ARHGAP26: variants seen among roughly 807,000 people sequenced by gnomAD.
ARHGAP26 encodes Rho GTPase activating protein 26.
ARHGAP26 carries 38 observed loss-of-function variants against 104.8 expected under a neutral mutation model. That is an observed-to-expected ratio of 0.36 (90% CI 0.28 to 0.48). The LOEUF (loss-of-function observed/expected upper bound fraction) is 0.48. ARHGAP26 is among the 20% of genes least tolerant of loss of function. The pLI, the probability that ARHGAP26 is intolerant of heterozygous loss-of-function variation, is 0.99. For synonymous variants in ARHGAP26, 341 were observed against 340.0 expected, an observed-to-expected ratio of 1.00 and a Z score of -0.03; for missense variants, 704 against 947.9, an observed-to-expected ratio of 0.74 and a Z score of 3.38.
intron 12 of ARHGAP26, 75 bp from the exon 13 acceptor site, chr5:143,037,121 C>A: frequency 1.7e-6 from 2 of 1,182,442 alleles, no homozygotes; most frequent in Non-Finnish European, 2.4e-6. Flanking sequence ...TTGATTCATC[C>A]TGGTTTGGTT....
chr5:143,212,703 T>C (rs1417822881), intron 21 of ARHGAP26, among the ~76,000 whole-genome samples: 1 of 152,194 alleles, frequency 6.6e-6, no homozygotes, highest in Non-Finnish European at 1.5e-5. Context: ...TTTACTCTGA[T>C]CACTCTGCAC....
At chr5:143,014,667 T>C (rs1012608721) in intron 12 of ARHGAP26, among the ~76,000 whole-genome samples, 2 of 152,248 alleles carry the variant, frequency 1.3e-5, no homozygotes, top group African/African-American at 4.8e-5. Flanking sequence ...CTGTAGACTG[T>C]AGTGCATTTG....
At chr5:142,952,925 G>C (rs1427632938) in intron 11 of ARHGAP26, among the ~76,000 whole-genome samples, 1 of 152,056 alleles carries the variant, frequency 6.6e-6, no homozygotes, top group Non-Finnish European at 1.5e-5. Context: ...TGGCCAGGAT[G>C]GTCTTGAACT....
At chr5:142,835,976 CAG>C (rs774624160) in intron 1 of ARHGAP26, among the ~76,000 whole-genome samples, 3 of 152,172 alleles carry the variant, frequency 2.0e-5, no homozygotes, top group Non-Finnish European at 4.4e-5. Flanking sequence ...AAGCAATTCA[CAG>C]AGTTAGTAAA....
intron 17 of ARHGAP26, among the ~76,000 whole-genome samples, chr5:143,072,663 A>G (rs541665228): frequency 9.2e-5 from 14 of 152,342 alleles, no homozygotes; most frequent in African/African-American, 3.4e-4. Context: ...AATACTGCAT[A>G]TTCTCACTCA....
intron 19 of ARHGAP26, among the ~76,000 whole-genome samples, chr5:143,140,672 C>T (rs565082291): frequency 1.3e-5 from 2 of 152,084 alleles, no homozygotes; most frequent in Admixed American, 6.5e-5. Context: ...CCCCCCGGCC[C>T]CTGAGACAGC....
At chr5:142,829,959 A>T (rs1467673236) in intron 1 of ARHGAP26, among the ~76,000 whole-genome samples, 1 of 152,172 alleles carries the variant, frequency 6.6e-6, no homozygotes, top group Non-Finnish European at 1.5e-5. Flanking sequence ...TTATACCATT[A>T]TTACTTTGGG....
intron 1 of ARHGAP26, among the ~76,000 whole-genome samples, chr5:142,834,695 G>T (rs934958130): frequency 6.6e-6 from 1 of 152,202 alleles, no homozygotes; most frequent in Non-Finnish European, 1.5e-5. Context: ...GACAAAGGTG[G>T]AAGCTCCGGG....
intron 1 of ARHGAP26, among the ~76,000 whole-genome samples, chr5:142,798,684 A>G (rs777614723): frequency 1.0e-3 from 156 of 152,240 alleles, no homozygotes; most frequent in Non-Finnish European, 1.9e-3. Flanking sequence ...GTTTCCGCCC[A>G]GGACCTATCA....
At chr5:143,220,401 C>A (rs1452144806) in intron 22 of ARHGAP26, among the ~76,000 whole-genome samples, 1 of 152,198 alleles carries the variant, frequency 6.6e-6, no homozygotes, top group Non-Finnish European at 1.5e-5. Flanking sequence ...TTGCTCTGTG[C>A]CTGGCTCTGT....
intron 17 of ARHGAP26, among the ~76,000 whole-genome samples, chr5:143,091,575 CT>C (rs35510766): frequency 2.0e-5 from 3 of 152,148 alleles, no homozygotes; most frequent in Non-Finnish European, 4.4e-5. Context: ...TCCTGTATGA[CT>C]TTTATACCAG....
At chr5:142,998,013 A>G (rs909321177) in intron 11 of ARHGAP26, among the ~76,000 whole-genome samples, 5 of 152,156 alleles carry the variant, frequency 3.3e-5, no homozygotes, top group Admixed American at 3.3e-4. Context: ...TTATATATTG[A>G]TTGGTTGATG....
intron 11 of ARHGAP26, among the ~76,000 whole-genome samples, chr5:142,951,206 T>C (rs1768335481): frequency 6.6e-6 from 1 of 152,116 alleles, no homozygotes. Context: ...ATTACAGGCA[T>C]GTACCACCAC....
intron 12 of ARHGAP26, among the ~76,000 whole-genome samples, chr5:143,017,749 G>A (rs182111697): frequency 1.3e-5 from 2 of 152,222 alleles, no homozygotes; most frequent in Non-Finnish European, 2.9e-5. Flanking sequence ...ACAGCACTTT[G>A]TATCTGTTTT....
At chr5:142,999,671 C>T (rs1022631027) in intron 11 of ARHGAP26, among the ~76,000 whole-genome samples, 2 of 151,948 alleles carry the variant, frequency 1.3e-5, no homozygotes, top group Non-Finnish European at 2.9e-5. Flanking sequence ...AACTATAAAG[C>T]CTTCAGAAGA....
At chr5:143,006,023 T>G (rs1230735531) in intron 11 of ARHGAP26, among the ~76,000 whole-genome samples, 11 of 152,226 alleles carry the variant, frequency 7.2e-5, no homozygotes, top group Admixed American at 7.2e-4. Context: ...AAGCATTCGT[T>G]GTCACCTGGT....
intron 11 of ARHGAP26, among the ~76,000 whole-genome samples, chr5:142,978,468 C>T (rs903537756): frequency 9.9e-5 from 15 of 152,238 alleles, no homozygotes; most frequent in Admixed American, 5.2e-4. Context: ...AACTGGAAAC[C>T]GAAGCACCAG....
At chr5:143,100,704 G>A (rs776307369) in intron 17 of ARHGAP26, among the ~76,000 whole-genome samples, 1 of 152,248 alleles carries the variant, frequency 6.6e-6, no homozygotes, top group Non-Finnish European at 1.5e-5. Context: ...AGGAAATGAA[G>A]TCTGTTTACC....
intron 17 of ARHGAP26, among the ~76,000 whole-genome samples, chr5:143,070,785 C>T (rs942698216): frequency 2.6e-5 from 4 of 152,076 alleles, no homozygotes; most frequent in Non-Finnish European, 2.9e-5. Context: ...TGGTGTGCAC[C>T]TGTAGTCCCA....
Sources: gnomAD v4.1 joint callset for allele counts (sites outside exome capture counted in the v4.1 genomes callset) on GRCh38, gnomAD v4.1.1 for gene constraint, MANE v1.5 for transcripts, NCBI Gene and HGNC (gene_info 2026-07-23, HGNC 2026-07-21) for gene names.